CLNK: variants seen among roughly 807,000 people sequenced by gnomAD.
CLNK encodes cytokine dependent hematopoietic cell linker.
In CLNK, 74 loss-of-function variants were observed where a neutral mutation model predicts 68.6. The observed-to-expected ratio is 1.08, with a 90% CI of 0.89 to 1.31. The LOEUF is 1.31. Among genes scored for constraint, CLNK ranks in the 50% most tolerant of loss-of-function variants. The pLI, the probability that CLNK is intolerant of heterozygous loss-of-function variation, is 0.00. For missense variants in CLNK, 553 were observed against 515.3 expected, an observed-to-expected ratio of 1.07 and a Z score of -0.71; for synonymous variants, 198 against 172.2, an observed-to-expected ratio of 1.15 and a Z score of -1.17.
At chr4:10,605,410 C>A (rs1246475213) in intron 2 of CLNK, among the ~76,000 whole-genome samples, 2 of 152,000 alleles carry the variant, frequency 1.3e-5, no homozygotes, top group East Asian at 1.9e-4. Flanking sequence ...TCCTAGGCTA[C>A]AAACCTAAAG....
intron 8 of CLNK, among the ~76,000 whole-genome samples, chr4:10,556,936 C>T (rs1040599717): frequency 3.9e-5 from 6 of 151,988 alleles, no homozygotes; most frequent in Middle Eastern, 3.4e-3. Context: ...ATTAGCCAGG[C>T]ATGGTGGAAT....
At chr4:10,548,501 A>G (rs1719323686) in intron 8 of CLNK, among the ~76,000 whole-genome samples, 1 of 152,080 alleles carries the variant, frequency 6.6e-6, no homozygotes, top group Non-Finnish European at 1.5e-5. Flanking sequence ...GAAGCTTTTT[A>G]GTTTGATGTA....
chr4:10,670,837 G>C (rs1378514171), intron 1 of CLNK, among the ~76,000 whole-genome samples: 2 of 152,194 alleles, frequency 1.3e-5, no homozygotes, highest in Non-Finnish European at 2.9e-5. Context: ...AATTGCAGGA[G>C]ATTCTGCCAA....
chr4:10,585,762 G>A (rs1319839076), intron 3 of CLNK, among the ~76,000 whole-genome samples: 1 of 152,072 alleles, frequency 6.6e-6, no homozygotes, highest in African/African-American at 2.4e-5. Flanking sequence ...GTCCAACCTG[G>A]GCAACATAGC....
At chr4:10,565,982 T>C (rs1360573450) in intron 6 of CLNK, 27 bp downstream of exon 6, 1 of 1,609,302 alleles carries the variant, frequency 6.2e-7, no homozygotes, top group Non-Finnish European at 8.5e-7. Flanking sequence ...TGCATCTTCT[T>C]ATTTCAGGCA....
intron 7 of CLNK, among the ~76,000 whole-genome samples, chr4:10,561,510 G>C (rs1331293383): frequency 3.3e-5 from 5 of 152,130 alleles, no homozygotes; most frequent in Admixed American, 1.3e-4. Flanking sequence ...ATTCATGAAG[G>C]CTTACCTATG....
rs1049495453 is a variant in CLNK at position 10,585,416 on chromosome 4, C to A, written c.84-461G>T. On this transcript the variant is annotated intron_variant, in intron 3 of 18. Transcript: ENST00000226951. ...GTTTTGGCCAATCAAATGTAGCCAA[C>A]TGTTCGAACTGTGTTCAAATCAGGC... is the stretch of plus-strand genomic sequence containing the variant. Among the ~76,000 whole-genome samples the A allele has an allele frequency of 6.6e-5, 10 of 152,360 alleles. No individual in the cohort carries two copies. The East Asian group carries it at 7.7e-4, about 12-fold the overall frequency.
intron 2 of CLNK, among the ~76,000 whole-genome samples, chr4:10,657,527 GA>G (rs1441286843): frequency 6.6e-6 from 1 of 152,208 alleles, no homozygotes; most frequent in African/African-American, 2.4e-5. Flanking sequence ...AAAGATGGTA[GA>G]GAAATACTTC....
chr4:10,613,018 T>C (rs969223916), intron 2 of CLNK, among the ~76,000 whole-genome samples: 1 of 152,180 alleles, frequency 6.6e-6, no homozygotes, highest in Admixed American at 6.5e-5. Flanking sequence ...ATTTTTTTCT[T>C]AGTGCTCAAT....
chr4:10,526,352 C>T (rs1228287324), intron 13 of CLNK, among the ~76,000 whole-genome samples: 1 of 152,140 alleles, frequency 6.6e-6, no homozygotes, highest in South Asian at 2.1e-4. Flanking sequence ...GAGAAAAAGA[C>T]AGACATGGTT....
At chr4:10,507,441 T>TTTAC (rs1258577580) in intron 17 of CLNK, among the ~76,000 whole-genome samples, 1 of 35,544 alleles carries the variant, frequency 2.8e-5, no homozygotes, top group East Asian at 1.0e-3. Context: ...TCTGTTTTTA[T>TTTAC]TTATTTATTT....
the CLNK span, among the ~76,000 whole-genome samples, chr4:10,707,703 T>G: frequency 6.6e-6 from 1 of 152,204 alleles, no homozygotes; most frequent in African/African-American, 2.4e-5. Context: ...TCTTTACAGT[T>G]CAGTTTTTCC....
chr4:10,552,651 A>G (rs758872580), intron 8 of CLNK, among the ~76,000 whole-genome samples: 1 of 152,022 alleles, frequency 6.6e-6, no homozygotes, highest in Non-Finnish European at 1.5e-5. Context: ...AGCAGCAAGC[A>G]CCTGTTACCT....
upstream of CLNK, among the ~76,000 whole-genome samples, chr4:10,688,116 C>T (rs1725334661): frequency 6.6e-6 from 1 of 152,152 alleles, no homozygotes; most frequent in Non-Finnish European, 1.5e-5. Flanking sequence ...CTAGCATGTG[C>T]CTGGCTATAA....
the CLNK span, among the ~76,000 whole-genome samples, chr4:10,728,626 C>T: frequency 3.8e-5 from 5 of 130,710 alleles, no homozygotes; most frequent in Admixed American, 8.6e-5. Flanking sequence ...TTTTTTGAAA[C>T]GGAGTCTCCA....
intron 1 of CLNK, among the ~76,000 whole-genome samples, chr4:10,683,616 T>TAG (rs1352722531): frequency 2.6e-5 from 4 of 152,184 alleles, no homozygotes; most frequent in African/African-American, 9.7e-5. Flanking sequence ...AATAGCCAGC[T>TAG]CTCTAGGTCA....
chr4:10,699,295 C>CACACCACATACGTGTGTGTAT, the CLNK span, among the ~76,000 whole-genome samples: 4 of 80,568 alleles, frequency 5.0e-5, no homozygotes, highest in Admixed American at 1.2e-4. Context: ...CGTGTATACA[C>CACACCACATACGTGTGTGTAT]ACACACACCA....
In CLNK at chr4:10,564,678, A is replaced by C. The variant is rs1720032033; in HGVS notation, c.392T>G (p.Leu131Trp). ...GQPTWNTQTR[L>W]ERVDKPISKD... ...TGTCCAGTCTTTACTCACTCTTTCC[A>C]ACCTCGTCTGTGTGTTCCAGGTCGG... The change falls in exon 7 of 19, where the codon TTG becomes TGG. Residue 131 changes from leucine (L) to tryptophan (W), a missense_variant. Coordinates refer to ENST00000226951, the MANE Select transcript of CLNK (RefSeq NM_052964.4). 1 of 1,609,540 alleles carries C rather than the reference A, an allele frequency of 6.2e-7. No individual in the cohort carries two copies.
intron 3 of CLNK, 107 bp downstream of exon 3, chr4:10,597,871 C>T: frequency 1.3e-6 from 1 of 761,962 alleles, no homozygotes; most frequent in South Asian, 1.7e-5. Context: ...TAAGTCACTA[C>T]AGGTCATTCC....
Sources: allele counts gnomAD v4.1 joint callset (sites outside exome capture counted in the v4.1 genomes callset), GRCh38; gene constraint gnomAD v4.1.1; transcripts MANE v1.5; gene names NCBI Gene and HGNC (gene_info 2026-07-23, HGNC 2026-07-21).